Variants in ZMYM4 observed in about 807,000 individuals in gnomAD.
ZMYM4 encodes the protein zinc finger MYM-type protein 4.
A neutral mutation model predicts 183.2 loss-of-function variants in ZMYM4; 31 were observed. That is an observed-to-expected ratio of 0.17 (90% confidence interval 0.13 to 0.23). ZMYM4 has a LOEUF of 0.23. Among genes scored for constraint, ZMYM4 ranks in the 10% least tolerant of loss-of-function variants. ZMYM4 has a pLI of 1.00. For synonymous variants in ZMYM4, 592 were observed against 631.2 expected, an observed-to-expected ratio of 0.94 and a Z score of 0.93; for missense variants, 1,273 against 1,840.3, an observed-to-expected ratio of 0.69 and a Z score of 5.64.
intron 2 of ZMYM4, among the ~76,000 whole-genome samples, chr1:35,328,094 TA>T: frequency 6.6e-6 from 1 of 152,320 alleles, no homozygotes; most frequent in East Asian, 1.9e-4. Context: ...GATGGATTGT[TA>T]AAGTTGTTGC....
chr1:35,307,762 C>T (rs1222720158), intron 1 of ZMYM4, among the ~76,000 whole-genome samples: 7 of 151,788 alleles, frequency 4.6e-5, no homozygotes, highest in African/African-American at 1.7e-4. Context: ...TCTCGATCTC[C>T]TGACCTTGTG....
In ZMYM4 at chr1:35,268,911, C is replaced by T; in HGVS notation, c.-136C>T. 2 of 1,045,476 alleles carry T rather than the reference C, an allele frequency of 1.9e-6. No homozygotes were observed. The highest frequency in any genetic ancestry group is 4.4e-5 in the Admixed American group (1 of 22,692). 64.8% of individuals were successfully genotyped at this position (1,045,476 alleles called of 1,614,324 possible). A position where few individuals can be genotyped will look rare whatever the true frequency, so the allele number is the denominator to read the frequency against. On this transcript the variant is annotated 5_prime_UTR_variant, in exon 1 of 30. Transcript: ENST00000314607. ...GCGCGGCATCCGCCCCCTCCCCACT[C>T]TCGGCGCAAGGCCCGGCCGGGTCCG... is the stretch of plus-strand genomic sequence containing the variant.
chr1:35,370,272 C>T, intron 6 of ZMYM4, 100 bp from the exon 7 acceptor site: 1 of 1,442,676 alleles, frequency 6.9e-7, no homozygotes, highest in South Asian at 1.5e-5. Flanking sequence ...AAGACTAGTT[C>T]TAGAAGAGAA....
intron 1 of ZMYM4, among the ~76,000 whole-genome samples, chr1:35,307,031 T>C (rs1240280178): frequency 2.0e-5 from 3 of 152,238 alleles, no homozygotes; most frequent in Non-Finnish European, 4.4e-5. Flanking sequence ...TGATTTGTAG[T>C]AGGCAAATAT....
intron 2 of ZMYM4, among the ~76,000 whole-genome samples, chr1:35,326,434 A>T (rs981623586): frequency 6.6e-6 from 1 of 152,094 alleles, no homozygotes; most frequent in Admixed American, 6.6e-5. Context: ...TGTCAAGAGC[A>T]CCTCCTACCA....
intron 1 of ZMYM4, among the ~76,000 whole-genome samples, chr1:35,298,236 C>T (rs948894628): frequency 1.3e-5 from 2 of 152,148 alleles, no homozygotes; most frequent in Non-Finnish European, 2.9e-5. Context: ...GTGAGTCCCT[C>T]ATCTCTACGA....
chr1:35,338,231 C>A (rs535626439), intron 2 of ZMYM4, among the ~76,000 whole-genome samples: 1 of 152,298 alleles, frequency 6.6e-6, no homozygotes, highest in East Asian at 1.9e-4. Flanking sequence ...GGTGTACATT[C>A]TCAACTTTGC....
chr1:35,371,732 C>T (rs1222929152), intron 7 of ZMYM4, among the ~76,000 whole-genome samples: 3 of 152,160 alleles, frequency 2.0e-5, no homozygotes, highest in Non-Finnish European at 2.9e-5. Context: ...GATACTCCTC[C>T]TCCTAGTTCA....
intron 1 of ZMYM4, among the ~76,000 whole-genome samples, chr1:35,308,028 A>G (rs767844492): frequency 1.3e-5 from 2 of 149,748 alleles, no homozygotes; most frequent in African/African-American, 2.5e-5. Context: ...GAATCTCGAT[A>G]TCACCCAGGC....
intron 23 of ZMYM4, among the ~76,000 whole-genome samples, chr1:35,402,598 G>A (rs948166139): frequency 2.6e-5 from 4 of 151,862 alleles, no homozygotes; most frequent in African/African-American, 7.3e-5. Flanking sequence ...TAGTCTGGGC[G>A]ACAGAGCGAG....
At chr1:35,370,851 T>C (rs1644193054) in intron 7 of ZMYM4, 3 of 457,772 alleles carry the variant, frequency 6.6e-6, no homozygotes, top group South Asian at 8.2e-5. Flanking sequence ...AATGTTACTT[T>C]TATGTATTGT....
chr1:35,397,749 T>C (rs561414070), intron 20 of ZMYM4, among the ~76,000 whole-genome samples: 95 of 152,322 alleles, frequency 6.2e-4, no homozygotes, highest in African/African-American at 2.2e-3. Flanking sequence ...TGGTATTCAA[T>C]AGTTTTTAGT....
At chr1:35,274,486 C>T (rs1272429618) in intron 1 of ZMYM4, among the ~76,000 whole-genome samples, 2 of 151,972 alleles carry the variant, frequency 1.3e-5, no homozygotes, top group African/African-American at 4.8e-5. Context: ...CTCGTCTACT[C>T]ATGAGGCTGA....
Position 35,337,480 on chromosome 1 carries a change from T to G in ZMYM4, c.85+12075T>G, listed in dbSNP as rs1452923743. ...CTTGCATATGTTTCTTTATAACATA[T>G]AAGAAATTAATATGTATGCAATTCA... On this transcript the variant is annotated intron_variant, in intron 2 of 29. Coordinates refer to ENST00000314607, the MANE Select transcript of ZMYM4 (RefSeq NM_005095.3). 2.0e-5 allele frequency among the ~76,000 whole-genome samples: 3 copies of G among 152,214 alleles called. 1 individual carries two copies. Among genetic ancestry groups the G allele is most frequent in the Non-Finnish European group, 4.4e-5 (3 of 68,032 alleles).
At chr1:35,300,182 G>A (rs891053313) in intron 1 of ZMYM4, among the ~76,000 whole-genome samples, 1 of 152,128 alleles carries the variant, frequency 6.6e-6, no homozygotes, top group African/African-American at 2.4e-5. Flanking sequence ...TGTTACTTAG[G>A]TGTGGAAATT....
Position 35,319,732 on chromosome 1 carries a change from T to C in ZMYM4, c.40-5628T>C, listed in dbSNP as rs1319736084. 2.6e-5 allele frequency among the ~76,000 whole-genome samples: 4 copies of C among 151,958 alleles called. No individual in the cohort carries two copies. In the East Asian group the frequency reaches 7.7e-4, roughly 29 times the overall value. ...AAACTAAGGGACATCCAAATCAGAG[T>C]AGCAACAGGGAAAGACTAACATTAC... On this transcript the variant is annotated intron_variant, in intron 1 of 29. Coordinates refer to ENST00000314607, the MANE Select transcript of ZMYM4 (RefSeq NM_005095.3).
intron 7 of ZMYM4, among the ~76,000 whole-genome samples, chr1:35,378,999 C>G (rs1374436201): frequency 6.6e-6 from 1 of 152,182 alleles, no homozygotes; most frequent in Non-Finnish European, 1.5e-5. Context: ...GGGCCTTGCT[C>G]TGGATTAGGC....
chr1:35,347,549 G>A (rs1016093113), intron 2 of ZMYM4, among the ~76,000 whole-genome samples: 6 of 151,932 alleles, frequency 3.9e-5, no homozygotes, highest in Admixed American at 2.0e-4. Flanking sequence ...AAGGGGTAGC[G>A]TTAAAAATTA....
At chr1:35,359,805 A>T (rs1030016337) in intron 3 of ZMYM4, among the ~76,000 whole-genome samples, 2 of 152,050 alleles carry the variant, frequency 1.3e-5, no homozygotes, top group Non-Finnish European at 2.9e-5. Context: ...CTGCTGTCTC[A>T]CCACTTAGTC....
Sources: allele counts gnomAD v4.1 joint callset (sites outside exome capture counted in the v4.1 genomes callset), GRCh38; gene constraint gnomAD v4.1.1; transcripts MANE v1.5; gene names NCBI Gene and HGNC (gene_info 2026-07-23, HGNC 2026-07-21).